TMEM229B: variants seen among roughly 807,000 people sequenced by gnomAD.
TMEM229B encodes the protein transmembrane protein 229B.
A neutral mutation model predicts 13.7 loss-of-function variants in TMEM229B; 6 were observed. The observed-to-expected ratio is 0.44, with a 90% CI of 0.24 to 0.86. TMEM229B has a LOEUF of 0.86. TMEM229B is among the 40% of genes least tolerant of loss of function. The pLI is 0.23. For synonymous variants in TMEM229B, 107 were observed against 102.1 expected (o/e 1.05, Z -0.29); for missense variants, 170 against 236.0 (o/e 0.72, Z 1.83).
At chr14:67,533,130 C>T (rs2033521749) in intron 1 of TMEM229B, among the ~76,000 whole-genome samples, 1 of 152,148 alleles carries the variant, frequency 6.6e-6, no homozygotes. Context: ...CTTTAAGGAG[C>T]GGGCGGGGAG....
intron 2 of TMEM229B, among the ~76,000 whole-genome samples, chr14:67,476,878 C>A (rs2031237652): frequency 6.7e-6 from 1 of 150,344 alleles, no homozygotes; most frequent in African/African-American, 2.5e-5. Context: ...GTAATCCCAG[C>A]ACTTTGGGAG....
intron 1 of TMEM229B, among the ~76,000 whole-genome samples, chr14:67,509,767 G>T (rs1234678043): frequency 6.6e-6 from 1 of 152,190 alleles, no homozygotes; most frequent in East Asian, 1.9e-4. Flanking sequence ...AGCACTTTGG[G>T]AGGCTGAGGC....
chr14:67,471,549 A>G lies in TMEM229B; in HGVS notation c.*1871T>C, dbSNP rs2030722201. ...TTCTCTGTAACCCCCAAAGCCCTGG[A>G]ATTGGGGCCACAATAAAATCAAAAG... On this transcript the variant is annotated 3_prime_UTR_variant, in exon 3 of 3. Coordinates refer to ENST00000554480, the MANE Select transcript of TMEM229B (RefSeq NM_001348543.2). The G allele has an allele frequency of 6.6e-6, 1 of 152,152 alleles. No individual in the cohort carries two copies. Among genetic ancestry groups the G allele is most frequent in the Admixed American group, 6.5e-5 (1 of 15,268 alleles). The allele number at this position is 152,152 out of a possible 1,614,324, so 9.4% of individuals were successfully genotyped here. A position where few individuals can be genotyped will look rare whatever the true frequency, so the allele number is the denominator to read the frequency against.
intron 2 of TMEM229B, among the ~76,000 whole-genome samples, chr14:67,475,490 AT>A (rs907696215): frequency 2.8e-4 from 42 of 152,246 alleles, no homozygotes; most frequent in African/African-American, 9.1e-4. Context: ...TGGCCACACC[AT>A]TTTACATTCC....
intron 1 of TMEM229B, among the ~76,000 whole-genome samples, chr14:67,523,889 AC>A: frequency 6.6e-6 from 1 of 151,346 alleles, no homozygotes; most frequent in Non-Finnish European, 1.5e-5. Context: ...TAGAGCTGTG[AC>A]CTCTCTAGGG....
At chr14:67,476,564 G>A (rs2031212968) in intron 2 of TMEM229B, among the ~76,000 whole-genome samples, 1 of 151,772 alleles carries the variant, frequency 6.6e-6, no homozygotes, top group Admixed American at 6.6e-5. Flanking sequence ...TCCAGCCTGG[G>A]CAACAGAGCA....
chr14:67,490,451 G>A (rs890969527), upstream of TMEM229B, among the ~76,000 whole-genome samples: 2 of 152,208 alleles, frequency 1.3e-5, no homozygotes, highest in Non-Finnish European at 2.9e-5. Flanking sequence ...TGTGGGCAAG[G>A]GGCCAAGCGC....
intron 1 of TMEM229B, among the ~76,000 whole-genome samples, chr14:67,520,703 T>A (rs926307021): frequency 6.6e-6 from 1 of 152,180 alleles, no homozygotes; most frequent in Non-Finnish European, 1.5e-5. Flanking sequence ...CCACAGTTTA[T>A]TTACCCATCA....
At chr14:67,511,008 C>G (rs1408781167) in intron 1 of TMEM229B, among the ~76,000 whole-genome samples, 2 of 152,174 alleles carry the variant, frequency 1.3e-5, no homozygotes, top group Non-Finnish European at 2.9e-5. Flanking sequence ...CTTTGTGGCC[C>G]TTCAATCTCC....
chr14:67,476,497 A>G (rs1199881854), intron 2 of TMEM229B, among the ~76,000 whole-genome samples: 5 of 151,990 alleles, frequency 3.3e-5, no homozygotes, highest in African/African-American at 9.7e-5. Flanking sequence ...TGAGGCAGAA[A>G]AATTGCTTGA....
upstream of TMEM229B, among the ~76,000 whole-genome samples, chr14:67,491,466 A>T (rs1388045302): frequency 6.6e-6 from 1 of 152,166 alleles, no homozygotes; most frequent in Non-Finnish European, 1.5e-5. Flanking sequence ...CCACTTCCCC[A>T]GTAACTTCAT....
upstream of TMEM229B, among the ~76,000 whole-genome samples, chr14:67,491,665 T>G (rs2032175072): frequency 1.3e-5 from 2 of 152,196 alleles, no homozygotes; most frequent in African/African-American, 4.8e-5. Flanking sequence ...AAAGGCCCAC[T>G]GGGGAGCCCT....
At chr14:67,496,390 C>CTTTTTTT (rs1566688452) in intron 1 of TMEM229B, among the ~76,000 whole-genome samples, 3 of 27,632 alleles carry the variant, frequency 1.1e-4, no homozygotes, top group Admixed American at 8.0e-4. Context: ...ACTGCTCCGG[C>CTTTTTTT]GTTTTTTTTT....
At position 67,496,797 on chromosome 14, in the gene TMEM229B, T is replaced by G. The variant is rs7156174; in HGVS notation, c.-191-9625A>C. 2.2e-3 allele frequency among the ~76,000 whole-genome samples: 311 copies of G among 142,752 alleles called. 4 individuals are homozygous for G. Among genetic ancestry groups the G allele is most frequent in the African/African-American group, 8.0e-3 (302 of 37,922 alleles). The allele number at this position is 142,752 out of a possible 152,430, so 93.7% of individuals were successfully genotyped here. A position where few individuals can be genotyped will look rare whatever the true frequency, so the allele number is the denominator to read the frequency against. On this transcript the variant is annotated intron_variant, in intron 1 of 2. Transcript: ENST00000357461. ...TCCCTCCCTCATTTCTGTCTTTCTT[T>G]CTTGCTTGCTTGCTTGCTTGCCAGA... is the stretch of plus-strand genomic sequence containing the variant.
At chr14:67,489,945 A>G (rs1283328423), upstream of TMEM229B, among the ~76,000 whole-genome samples, 2 of 151,466 alleles carry the variant, frequency 1.3e-5, no homozygotes, top group South Asian at 2.1e-4. Context: ...ATCTGAGACC[A>G]CGCCACTGCA....
At chr14:67,524,268 A>G (rs933843888) in intron 1 of TMEM229B, among the ~76,000 whole-genome samples, 1 of 152,082 alleles carries the variant, frequency 6.6e-6, no homozygotes, top group Non-Finnish European at 1.5e-5. Context: ...TTTACTGTTT[A>G]CATCCAAACT....
intron 2 of TMEM229B, among the ~76,000 whole-genome samples, chr14:67,476,797 G>A (rs1449689155): frequency 6.6e-6 from 1 of 151,950 alleles, no homozygotes; most frequent in Non-Finnish European, 1.5e-5. Flanking sequence ...CCATCTCTTA[G>A]ACATACGTAC....
At chr14:67,506,279 C>A (rs1361178691) in intron 1 of TMEM229B, among the ~76,000 whole-genome samples, 1 of 152,078 alleles carries the variant, frequency 6.6e-6, no homozygotes, top group Non-Finnish European at 1.5e-5. Flanking sequence ...AAAGTGATCA[C>A]AGAACCGTCT....
Position 67,473,735 on chromosome 14 carries a change from C to T in TMEM229B, c.189G>A (p.Met63Ile), listed in dbSNP as rs758372077. ...GGCAGCGGCCGCGCAGCCGCAGGTACATGCGCTCCACGATGAGGATGGAGG... is the reference window on the plus strand; with the variant it reads ...GGCAGCGGCCGCGCAGCCGCAGGTATATGCGCTCCACGATGAGGATGGAGG... The part of the protein sequence containing the change: ...YGTSILIVER[M>I]YLRLRGRCPL... The change falls in exon 3 of 3, where the codon ATG becomes ATA. Residue 63 changes from methionine to isoleucine, a missense_variant. Physicochemically the swap from Met to Ile is conservative, Grantham distance 10. This residue lies in a region of TMEM229B where 57 missense variants were observed against 66.7 expected (regional missense o/e 0.85). Coordinates refer to ENST00000554480, the MANE Select transcript of TMEM229B (RefSeq NM_001348543.2). This position sits in a 1 kb window ranked among gnomAD's most constrained non-coding sequence, Gnocchi z 6.5. 1.9e-6 allele frequency: 3 copies of T among 1,612,540 alleles called. No homozygotes were observed. Among genetic ancestry groups the T allele is most frequent in the East Asian group, 2.2e-5 (1 of 44,818 alleles).
Sources: gnomAD v4.1 joint callset for allele counts (sites outside exome capture counted in the v4.1 genomes callset) on GRCh38, gnomAD v4.1.1 for gene constraint, gnomAD v4.1.1 regional missense constraint, Gnocchi (gnomAD v3.1) non-coding constraint, MANE v1.5 for transcripts, NCBI Gene and HGNC (gene_info 2026-07-23, HGNC 2026-07-21) for gene names.